Variants in PRKCE observed in about 807,000 individuals in gnomAD.
PRKCE encodes the protein protein kinase C epsilon type.
In PRKCE, 16 loss-of-function variants were observed where a neutral mutation model predicts 85.4. The observed-to-expected ratio is 0.19, with a 90% CI of 0.13 to 0.28. The LOEUF (loss-of-function observed/expected upper bound fraction) is 0.28, where lower values mean the gene tolerates loss of function less well. Among genes scored for constraint, PRKCE ranks in the 10% least tolerant of loss-of-function variants. The pLI is 1.00. For missense variants in PRKCE, 573 were observed against 975.2 expected (o/e 0.59, Z 5.49); for synonymous variants, 388 against 371.5 (o/e 1.04, Z -0.51).
intron 11 of PRKCE, among the ~76,000 whole-genome samples, chr2:46,104,384 C>T (rs1303500203): frequency 6.8e-6 from 1 of 147,324 alleles, no homozygotes; most frequent in Non-Finnish European, 1.5e-5. Flanking sequence ...TCATGCACAA[C>T]ATCTCAAAAG....
intron 1 of PRKCE, among the ~76,000 whole-genome samples, chr2:45,698,363 G>T (rs571745917): frequency 2.6e-4 from 40 of 152,142 alleles, no homozygotes; most frequent in Non-Finnish European, 4.7e-4. Context: ...AAAATTTCCA[G>T]TTGGGGGTGA....
chr2:45,731,042 A>C (rs1011158588), intron 1 of PRKCE, among the ~76,000 whole-genome samples: 1 of 152,158 alleles, frequency 6.6e-6, no homozygotes, highest in Non-Finnish European at 1.5e-5. Flanking sequence ...GGAATGTGGG[A>C]ATAGTGGGAG....
At chr2:45,912,154 C>T (rs1023282456) in intron 2 of PRKCE, among the ~76,000 whole-genome samples, 3 of 152,066 alleles carry the variant, frequency 2.0e-5, no homozygotes, top group Admixed American at 6.5e-5. Flanking sequence ...ATACCAGGAA[C>T]GATGGCAACC....
intron 10 of PRKCE, among the ~76,000 whole-genome samples, chr2:46,064,040 G>C (rs1667391157): frequency 6.6e-6 from 1 of 152,070 alleles, no homozygotes; most frequent in African/African-American, 2.4e-5. Flanking sequence ...CCAGCACTTT[G>C]GGAGGCCGAG....
At chr2:46,125,256 G>A (rs1472574874) in intron 11 of PRKCE, among the ~76,000 whole-genome samples, 1 of 152,182 alleles carries the variant, frequency 6.6e-6, no homozygotes, top group African/African-American at 2.4e-5. Context: ...AATACAAACT[G>A]ATAGGAAGGG....
intron 2 of PRKCE, among the ~76,000 whole-genome samples, chr2:45,865,648 G>T (rs1462087168): frequency 6.6e-6 from 1 of 152,120 alleles, no homozygotes; most frequent in Non-Finnish European, 1.5e-5. Flanking sequence ...TCAGCATTCA[G>T]CCTGCTTGCC....
intron 11 of PRKCE, among the ~76,000 whole-genome samples, chr2:46,135,538 A>C (rs10198247): frequency 6.6e-6 from 1 of 151,956 alleles, no homozygotes; most frequent in South Asian, 2.1e-4. Context: ...GAAAAGATTT[A>C]ACACTGAGCT....
intron 2 of PRKCE, among the ~76,000 whole-genome samples, chr2:45,909,349 AT>A (rs1398460339): frequency 6.6e-6 from 1 of 152,164 alleles, no homozygotes; most frequent in Non-Finnish European, 1.5e-5. Context: ...GTGGATGTTC[AT>A]TTTCTCATTA....
intron 11 of PRKCE, among the ~76,000 whole-genome samples, chr2:46,135,745 G>GTTTTTTTT (rs1558491144): frequency 6.0e-4 from 9 of 14,904 alleles, no homozygotes; most frequent in African/African-American, 1.9e-3. Flanking sequence ...AACAAATTAT[G>GTTTTTTTT]CTTTTTTTTT....
intron 2 of PRKCE, among the ~76,000 whole-genome samples, chr2:45,972,819 T>G (rs554728028): frequency 6.6e-6 from 1 of 152,356 alleles, no homozygotes; most frequent in East Asian, 1.9e-4. Flanking sequence ...ATAAAAGAAT[T>G]AATGTTTTGT....
intron 1 of PRKCE, among the ~76,000 whole-genome samples, chr2:45,716,645 A>AAGGAGAAGG (rs1491471152): frequency 4.0e-5 from 6 of 148,446 alleles, no homozygotes; most frequent in Non-Finnish European, 7.4e-5. Flanking sequence ...GAAGAAGAAG[A>AAGGAGAAGG]AGAAGAAGGA....
intron 2 of PRKCE, among the ~76,000 whole-genome samples, chr2:45,855,820 T>C (rs917422012): frequency 6.6e-6 from 1 of 152,282 alleles, no homozygotes; most frequent in East Asian, 1.9e-4. Flanking sequence ...CAGTGGGTGA[T>C]GTATTGCCAT....
chr2:45,889,046 A>G (rs772620615), intron 2 of PRKCE, among the ~76,000 whole-genome samples: 5 of 152,192 alleles, frequency 3.3e-5, no homozygotes, highest in Admixed American at 6.5e-5. Context: ...ACAACAAAAT[A>G]CTAATTATCT....
At chr2:45,739,702 C>T (rs573348091) in intron 1 of PRKCE, among the ~76,000 whole-genome samples, 10 of 152,012 alleles carry the variant, frequency 6.6e-5, no homozygotes, top group African/African-American at 1.7e-4. Context: ...GGTGGGGGTA[C>T]AAGATTGAGT....
intron 1 of PRKCE, among the ~76,000 whole-genome samples, chr2:45,771,454 G>T (rs957558863): frequency 6.6e-6 from 1 of 152,044 alleles, no homozygotes; most frequent in Non-Finnish European, 1.5e-5. Context: ...AGAACCTGTC[G>T]GCCGGCCTCA....
chr2:45,971,091 C>T (rs1393320045), intron 2 of PRKCE, among the ~76,000 whole-genome samples: 1 of 152,082 alleles, frequency 6.6e-6, no homozygotes, highest in Non-Finnish European at 1.5e-5. Context: ...ACTATAGGCA[C>T]AAAATTGCAT....
chr2:45,835,397 C>A (rs904574009), intron 1 of PRKCE, among the ~76,000 whole-genome samples: 3 of 152,188 alleles, frequency 2.0e-5, no homozygotes, highest in African/African-American at 7.2e-5. Flanking sequence ...ACTCCCGTCA[C>A]CCAGGACGTT....
chr2:46,002,306 G>A (rs1466564330), intron 7 of PRKCE, among the ~76,000 whole-genome samples: 2 of 152,248 alleles, frequency 1.3e-5, no homozygotes, highest in African/African-American at 2.4e-5. Context: ...GAAAATCCGG[G>A]TGAAGGGTGC....
intron 1 of PRKCE, among the ~76,000 whole-genome samples, chr2:45,799,690 C>A (rs954562224): frequency 6.6e-6 from 1 of 152,172 alleles, no homozygotes; most frequent in Non-Finnish European, 1.5e-5. Flanking sequence ...AAATCTGATA[C>A]TTTTTAAAGC....
Sources: allele counts gnomAD v4.1 joint callset (sites outside exome capture counted in the v4.1 genomes callset), GRCh38; gene constraint gnomAD v4.1.1; transcripts MANE v1.5; gene names NCBI Gene and HGNC (gene_info 2026-07-23, HGNC 2026-07-21).